Variants in NR2C1 observed in about 807,000 individuals in gnomAD.
NR2C1 encodes nuclear receptor subfamily 2 group C member 1.
Under a neutral mutation model 74.8 loss-of-function variants are expected in NR2C1, and 33 were observed. The observed-to-expected ratio is 0.44, with a 90% CI of 0.33 to 0.59. NR2C1 has a LOEUF of 0.59. Among genes scored for constraint, NR2C1 ranks in the 20% least tolerant of loss-of-function variants. The pLI, the probability that NR2C1 is intolerant of heterozygous loss-of-function variation, is 0.02. For missense variants in NR2C1, 568 were observed against 715.6 expected (o/e 0.79, Z 2.35); for synonymous variants, 225 against 240.6 (o/e 0.94, Z 0.60).
chr12:95,058,775 C>T (rs1180163387), intron 4 of NR2C1, among the ~76,000 whole-genome samples: 1 of 152,090 alleles, frequency 6.6e-6, no homozygotes, highest in East Asian at 1.9e-4. Context: ...CAGGCTTGCG[C>T]CACCACACCC....
At chr12:95,067,107 A>T (rs370744805) in intron 2 of NR2C1, 7 of 555,286 alleles carry the variant, frequency 1.3e-5, no homozygotes, top group East Asian at 6.3e-5. Flanking sequence ...ATTCCTTTCA[A>T]TTTTCTTCTG....
At chr12:95,069,761 T>C (rs1479055500) in intron 1 of NR2C1, among the ~76,000 whole-genome samples, 2 of 152,150 alleles carry the variant, frequency 1.3e-5, no homozygotes, top group Non-Finnish European at 2.9e-5. Context: ...TAAACATTAA[T>C]CCATCCATCC....
At chr12:95,027,691 G>A (rs959172976) in intron 12 of NR2C1, among the ~76,000 whole-genome samples, 2 of 151,728 alleles carry the variant, frequency 1.3e-5, no homozygotes, top group Admixed American at 6.6e-5. Context: ...AACTGAGATT[G>A]CACCACTACA....
chr12:95,047,119 T>C (rs188765796), intron 9 of NR2C1, among the ~76,000 whole-genome samples: 1 of 152,318 alleles, frequency 6.6e-6, no homozygotes. Context: ...CTGGTCCTTT[T>C]CCCTCACAAT....
intron 12 of NR2C1, among the ~76,000 whole-genome samples, chr12:95,026,090 C>A (rs1238425360): frequency 6.6e-6 from 1 of 151,740 alleles, no homozygotes; most frequent in Non-Finnish European, 1.5e-5. Flanking sequence ...ACCTGTAATC[C>A]CAGCTACTTG....
At chr12:95,072,579 G>T (rs906939728) in intron 1 of NR2C1, 4 of 151,964 alleles carry the variant, frequency 2.6e-5, no homozygotes, top group Non-Finnish European at 5.9e-5. Flanking sequence ...CCTAAAGGCC[G>T]TAATTTTAGG....
At chr12:95,046,663 T>C (rs970674653) in intron 9 of NR2C1, among the ~76,000 whole-genome samples, 3 of 152,316 alleles carry the variant, frequency 2.0e-5, no homozygotes, top group East Asian at 1.9e-4. Flanking sequence ...TGTGAAAATA[T>C]GCTGCAAACT....
intron 9 of NR2C1, among the ~76,000 whole-genome samples, chr12:95,042,676 T>C (rs956816260): frequency 2.0e-5 from 3 of 152,138 alleles, no homozygotes; most frequent in African/African-American, 7.2e-5. Context: ...ATTTATAAAT[T>C]GTACCAAGTA....
chr12:95,059,988 A>C lies in NR2C1; in HGVS notation c.286-4T>G. ...CTGGAGAATTATCTGTTAGGAGCTA[A>C]AAAAAAAAAAAAAAAAAAAGAAAAC... On this transcript the variant is annotated splice_polypyrimidine_tract_variant and splice_region_variant and intron_variant, in intron 3 of 13. Coordinates refer to ENST00000333003, the MANE Select transcript of NR2C1 (RefSeq NM_003297.4). 4.0e-6 allele frequency: 1 copy of C among 249,884 alleles called. No individual in the cohort carries two copies. Among genetic ancestry groups the C allele is most frequent in the South Asian group, 6.0e-5 (1 of 16,716 alleles). The allele number at this position is 249,884 out of a possible 1,614,324, so 15.5% of individuals were successfully genotyped here.
At position 95,025,200 on chromosome 12, in the gene NR2C1, A is replaced by AT. The variant is rs1340683457; in HGVS notation, c.1586dup (p.Tyr529Ter). Reference protein sequence around the residue: ...EQIEKFQEKAYVEFQDYITKT... With the variant: ...EQIEKFQEKA Reference sequence around the variant, plus strand: ...TGGTTATATAATCTTGGAATTCCACATAAGCCTTTTCCTGAAATTTCTCTA... The same window carrying AT: ...TGGTTATATAATCTTGGAATTCCACATTAAGCCTTTTCCTGAAATTTCTCTA... Residue 529 changes from tyrosine to a stop codon, truncating the protein, a stop_gained and frameshift_variant, in exon 13 of 14, where the codon TAT becomes TAAT. Coordinates refer to ENST00000333003, the MANE Select transcript of NR2C1 (RefSeq NM_003297.4). LOFTEE classifies it high-confidence loss of function. The AT allele has an allele frequency of 6.2e-7, 1 of 1,607,870 alleles. No individual in the cohort carries two copies. The highest frequency in any genetic ancestry group is 8.5e-7 in the Non-Finnish European group (1 of 1,175,442).
chr12:95,028,773 G>T (rs544887855), intron 11 of NR2C1, among the ~76,000 whole-genome samples: 88 of 152,140 alleles, frequency 5.8e-4, no homozygotes, highest in African/African-American at 1.8e-3. Context: ...GGGACTAGAG[G>T]CGCATGCCAC....
chr12:95,072,037 C>G (rs1023587065), intron 1 of NR2C1, among the ~76,000 whole-genome samples: 1 of 151,686 alleles, frequency 6.6e-6, no homozygotes, highest in South Asian at 2.1e-4. Context: ...TGTGAGCCAC[C>G]GCGCCCAGCC....
chr12:95,023,082 A>G (rs1190352565), intron 13 of NR2C1, among the ~76,000 whole-genome samples: 4 of 152,062 alleles, frequency 2.6e-5, no homozygotes, highest in African/African-American at 9.7e-5. Context: ...ACTTGAGGTC[A>G]GGAGTTCGAG....
At chr12:95,026,560 T>C (rs954002649) in intron 12 of NR2C1, among the ~76,000 whole-genome samples, 2 of 152,192 alleles carry the variant, frequency 1.3e-5, no homozygotes, top group Non-Finnish European at 2.9e-5. Context: ...TACATTAGAA[T>C]TTAAACTTCA....
At chr12:95,041,224 G>A (rs1235494057) in intron 9 of NR2C1, among the ~76,000 whole-genome samples, 2 of 152,078 alleles carry the variant, frequency 1.3e-5, no homozygotes, top group African/African-American at 2.4e-5. Context: ...GTGGTGGCTC[G>A]TGCCTATAAT....
rs576890365 is a variant in NR2C1 at position 95,033,133 on chromosome 12, A to G, written c.1254-1645T>C. Among the ~76,000 whole-genome samples, 41 of 151,684 alleles carry G rather than the reference A, an allele frequency of 2.7e-4. No individual in the cohort carries two copies. In the South Asian group the frequency reaches 8.6e-3, roughly 32 times the overall value. On this transcript the variant is annotated intron_variant, in intron 10 of 13. Coordinates refer to ENST00000333003, the MANE Select transcript of NR2C1 (RefSeq NM_003297.4). The stretch of plus-strand genomic sequence containing the variant: ...TGCACTCCAGCCTCTAACCTGGCAC[A>G]GGAAGACCCTGTCTCAAAAAAAAAA...
intron 1 of NR2C1, among the ~76,000 whole-genome samples, chr12:95,069,516 A>G (rs912649280): frequency 2.0e-5 from 3 of 152,222 alleles, no homozygotes; most frequent in Non-Finnish European, 4.4e-5. Flanking sequence ...TAAGAGCAAC[A>G]GGCTATGCTG....
intron 3 of NR2C1, among the ~76,000 whole-genome samples, chr12:95,060,818 TA>T (rs1377351312): frequency 2.6e-5 from 4 of 152,234 alleles, no homozygotes; most frequent in South Asian, 2.1e-4. Flanking sequence ...CTTCTGATTT[TA>T]TGAACTTTAA....
At chr12:95,064,286 G>A (rs904775512) in intron 2 of NR2C1, among the ~76,000 whole-genome samples, 22 of 144,506 alleles carry the variant, frequency 1.5e-4, no homozygotes, top group Non-Finnish European at 1.3e-4. Context: ...CTGAGATCGC[G>A]CCAATGCACT....
Sources: gnomAD v4.1 joint callset for allele counts (sites outside exome capture counted in the v4.1 genomes callset) on GRCh38, gnomAD v4.1.1 for gene constraint, MANE v1.5 for transcripts, NCBI Gene and HGNC (gene_info 2026-07-23, HGNC 2026-07-21) for gene names.